NELL1: variants seen among roughly 807,000 people sequenced by gnomAD.
NELL1 encodes the protein protein kinase C-binding protein NELL1.
Under a neutral mutation model 107.4 loss-of-function variants are expected in NELL1, and 76 were observed. The observed-to-expected ratio is 0.71, with a 90% CI of 0.59 to 0.86. NELL1 has a LOEUF of 0.86. Among genes scored for constraint, NELL1 ranks in the 40% least tolerant of loss-of-function variants. The pLI is 0.00. For synonymous variants in NELL1, 353 were observed against 341.2 expected (o/e 1.03, Z -0.38); for missense variants, 1,024 against 1,005.5 (o/e 1.02, Z -0.25).
chr11:20,777,857 T>C (rs2133976213), intron 2 of NELL1, among the ~76,000 whole-genome samples: 1 of 152,302 alleles, frequency 6.6e-6, no homozygotes, highest in Non-Finnish European at 1.5e-5. Flanking sequence ...CTGCTGCTTT[T>C]CCCACCTTGA....
At chr11:21,497,174 G>T (rs1262943937) in intron 15 of NELL1, among the ~76,000 whole-genome samples, 1 of 111,840 alleles carries the variant, frequency 8.9e-6, no homozygotes, top group Non-Finnish European at 1.7e-5. Context: ...GGGGGAGGGG[G>T]GAGGGATAGC....
In NELL1 at chr11:21,575,272, C is replaced by T. The variant is rs982472545; in HGVS notation, c.*250C>T. ...AGTCAATGGTTGTTAAAAGAAGTTT[C>T]CCGTGTTGTAAATCATGTTTCCCTT... On this transcript the variant is annotated 3_prime_UTR_variant, in exon 20 of 20. Coordinates refer to ENST00000357134, the MANE Select transcript of NELL1 (RefSeq NM_006157.5). The T allele has an allele frequency of 4.6e-6, 2 of 437,998 alleles. No homozygotes were observed. Among genetic ancestry groups the T allele is most frequent in the African/African-American group, 3.9e-5 (2 of 50,814 alleles). The allele number at this position is 437,998 out of a possible 1,614,324, so 27.1% of individuals were successfully genotyped here. A position where few individuals can be genotyped will look rare whatever the true frequency, so the allele number is the denominator to read the frequency against.
At chr11:21,500,766 ATC>A (rs1161478955) in intron 15 of NELL1, among the ~76,000 whole-genome samples, 1 of 152,122 alleles carries the variant, frequency 6.6e-6, no homozygotes, top group African/African-American at 2.4e-5. Flanking sequence ...TTGTTTTACA[ATC>A]TGTTTTCAGA....
At chr11:21,112,957 G>A (rs570253855) in intron 12 of NELL1, among the ~76,000 whole-genome samples, 1 of 152,130 alleles carries the variant, frequency 6.6e-6, no homozygotes, top group East Asian at 1.9e-4. Flanking sequence ...TTATGAGAAA[G>A]CAGGTGATGC....
At chr11:20,878,316 G>A (rs1287465652) in intron 4 of NELL1, among the ~76,000 whole-genome samples, 3 of 143,832 alleles carry the variant, frequency 2.1e-5, no homozygotes, top group Admixed American at 7.4e-5. Flanking sequence ...CCGAGATCGC[G>A]GCACTGCACT....
intron 15 of NELL1, among the ~76,000 whole-genome samples, chr11:21,493,966 A>AT (rs1226616122): frequency 6.6e-6 from 1 of 151,810 alleles, no homozygotes; most frequent in Non-Finnish European, 1.5e-5. Flanking sequence ...TTCACTTTTT[A>AT]TTTTTTTCTC....
At chr11:21,569,168 A>G in intron 17 of NELL1, among the ~76,000 whole-genome samples, 1 of 151,776 alleles carries the variant, frequency 6.6e-6, no homozygotes, top group East Asian at 2.0e-4. Flanking sequence ...TTGTATGTGT[A>G]GTATGTCAGT....
At chr11:20,975,958 A>ATGTACAT (rs1554953036) in intron 12 of NELL1, among the ~76,000 whole-genome samples, 2 of 102,668 alleles carry the variant, frequency 1.9e-5, no homozygotes, top group African/African-American at 7.0e-5. Flanking sequence ...TATGTACATT[A>ATGTACAT]TATATACATT....
At chr11:20,881,254 C>A (rs1256990788) in intron 4 of NELL1, among the ~76,000 whole-genome samples, 1 of 152,188 alleles carries the variant, frequency 6.6e-6, no homozygotes, top group Non-Finnish European at 1.5e-5. Context: ...TTAATCATGT[C>A]CTCTTTTGTT....
At chr11:21,441,330 C>CGTGTGTGTGT (rs201892977) in intron 15 of NELL1, among the ~76,000 whole-genome samples, 2 of 140,150 alleles carry the variant, frequency 1.4e-5, no homozygotes, top group African/African-American at 2.5e-5. Flanking sequence ...GAGGCTGTGA[C>CGTGTGTGTGT]GTGTGTGTGT....
intron 13 of NELL1, among the ~76,000 whole-genome samples, chr11:21,179,120 T>C (rs1856772272): frequency 2.6e-5 from 4 of 151,868 alleles, no homozygotes; most frequent in Admixed American, 2.6e-4. Context: ...TCAAGAAATA[T>C]AGGAGTTCAG....
chr11:20,898,615 ATT>A (rs202236449), intron 5 of NELL1, among the ~76,000 whole-genome samples: 4 of 143,092 alleles, frequency 2.8e-5, no homozygotes, highest in African/African-American at 7.7e-5. Context: ...GTCAACATCT[ATT>A]TTTTTTTTTT....
intron 12 of NELL1, among the ~76,000 whole-genome samples, chr11:20,984,377 C>CTTTG (rs1851809416): frequency 6.6e-6 from 1 of 152,168 alleles, no homozygotes; most frequent in Non-Finnish European, 1.5e-5. Flanking sequence ...TGCTACCTGA[C>CTTTG]TTTGAGTCAG....
chr11:21,322,393 A>G (rs4923528), intron 14 of NELL1, among the ~76,000 whole-genome samples: 135,667 of 152,022 alleles, frequency 0.89, 60,754 homozygotes, highest in Middle Eastern at 0.92. Context: ...GTATGCCCTG[A>G]GATTGGAGGG....
At chr11:21,416,494 G>C (rs1039078957) in intron 15 of NELL1, among the ~76,000 whole-genome samples, 2 of 152,056 alleles carry the variant, frequency 1.3e-5, no homozygotes, top group Non-Finnish European at 2.9e-5. Context: ...GGAAATGTTG[G>C]CCTTCGGTTG....
intron 17 of NELL1, among the ~76,000 whole-genome samples, chr11:21,566,326 A>G (rs1856972281): frequency 6.6e-6 from 1 of 151,902 alleles, no homozygotes; most frequent in Non-Finnish European, 1.5e-5. Flanking sequence ...TCTGGAGTAA[A>G]TATATCAGTA....
intron 15 of NELL1, among the ~76,000 whole-genome samples, chr11:21,461,251 G>A (rs1853893549): frequency 6.6e-6 from 1 of 152,076 alleles, no homozygotes. Flanking sequence ...TGAGGACTGG[G>A]TAGAGGCAAC....
At chr11:20,772,928 A>T (rs774451728) in intron 2 of NELL1, among the ~76,000 whole-genome samples, 3 of 152,252 alleles carry the variant, frequency 2.0e-5, no homozygotes, top group African/African-American at 4.8e-5. Context: ...TGCTATGAGG[A>T]TTAAATTAGC....
intron 15 of NELL1, among the ~76,000 whole-genome samples, chr11:21,427,827 C>G (rs915861285): frequency 2.0e-5 from 3 of 152,180 alleles, no homozygotes; most frequent in Non-Finnish European, 2.9e-5. Flanking sequence ...CTCAGCCACT[C>G]CTAACCTAAT....
Sources: allele counts gnomAD v4.1 joint callset (sites outside exome capture counted in the v4.1 genomes callset), GRCh38; gene constraint gnomAD v4.1.1; transcripts MANE v1.5; gene names NCBI Gene and HGNC (gene_info 2026-07-23, HGNC 2026-07-21).